The following AUTS2 variants were observed in gnomAD, a reference collection of about 807,000 sequenced individuals.
The protein encoded by AUTS2 is autism susceptibility gene 2 protein.
Under a neutral mutation model 112.4 loss-of-function variants are expected in AUTS2, and 17 were observed. The ratio of observed to expected loss-of-function variants is 0.15; its 90% CI spans 0.10 to 0.23. The LOEUF (loss-of-function observed/expected upper bound fraction) is 0.23, where lower values mean the gene tolerates loss of function less well. AUTS2 is among the 10% of genes least tolerant of loss of function. The probability of loss-of-function intolerance (pLI) is 1.00; values close to 1 mark genes in which losing one functional copy is unlikely to be tolerated. For missense variants in AUTS2, 1,510 were observed against 1,701.6 expected (o/e 0.89, Z 1.98); for synonymous variants, 751 against 702.7 (o/e 1.07, Z -1.09).
chr7:69,682,997 G>A (rs184228585), intron 1 of AUTS2, among the ~76,000 whole-genome samples: 4 of 152,182 alleles, frequency 2.6e-5, no homozygotes, highest in East Asian at 1.9e-4. Context: ...TTTAAGGAGC[G>A]GAAAGTTTAA....
At chr7:70,690,351 G>C (rs191801513) in intron 5 of AUTS2, among the ~76,000 whole-genome samples, 1 of 152,314 alleles carries the variant, frequency 6.6e-6, no homozygotes, top group Non-Finnish European at 1.5e-5. Flanking sequence ...AGGCTAGTTG[G>C]AGTTATCACC....
At chr7:70,144,169 C>T (rs545679442) in intron 4 of AUTS2, among the ~76,000 whole-genome samples, 1 of 152,100 alleles carries the variant, frequency 6.6e-6, no homozygotes, top group Non-Finnish European at 1.5e-5. Context: ...CATTTGTGAG[C>T]AGATCTTATC....
chr7:70,147,988 G>A (rs967040723), intron 4 of AUTS2, among the ~76,000 whole-genome samples: 1 of 152,068 alleles, frequency 6.6e-6, no homozygotes, highest in Admixed American at 6.6e-5. Flanking sequence ...CATCTATGTG[G>A]CTGGATTCTG....
chr7:70,247,812 G>T (rs1412194338), intron 4 of AUTS2, among the ~76,000 whole-genome samples: 3 of 151,998 alleles, frequency 2.0e-5, no homozygotes, highest in African/African-American at 7.2e-5. Context: ...AGGATTTCTT[G>T]CCTTGATCTT....
At chr7:69,697,221 G>C (rs1015024614) in intron 1 of AUTS2, among the ~76,000 whole-genome samples, 6 of 152,206 alleles carry the variant, frequency 3.9e-5, no homozygotes, top group Non-Finnish European at 8.8e-5. Flanking sequence ...CTTACTCTGA[G>C]AATCAGTTTT....
Position 70,399,411 on chromosome 7 carries a change from T to C in AUTS2, c.661-36341T>C, listed in dbSNP as rs371361503. Among the ~76,000 whole-genome samples, 14 of 152,308 alleles carry C rather than the reference T, an allele frequency of 9.2e-5. No homozygotes were observed. In the East Asian group the frequency reaches 1.5e-3, roughly 17 times the overall value. On this transcript the variant is annotated intron_variant, in intron 4 of 18. Coordinates refer to ENST00000342771, the MANE Select transcript of AUTS2 (RefSeq NM_015570.4). ...CTTTTTTTTTGCTTATGGGTTTGCT[T>C]TTTAGAGCTCTGTATCATCTTTCTT...
intron 1 of AUTS2, among the ~76,000 whole-genome samples, chr7:69,760,470 AC>A (rs1050820731): frequency 8.6e-4 from 131 of 152,176 alleles, no homozygotes; most frequent in African/African-American, 3.0e-3. Context: ...TTCTAGAGAG[AC>A]TAAAATTAGG....
intron 2 of AUTS2, among the ~76,000 whole-genome samples, chr7:70,017,985 T>C (rs1035008993): frequency 2.0e-5 from 3 of 151,954 alleles, no homozygotes; most frequent in Admixed American, 1.3e-4. Flanking sequence ...CCTGAGAGCC[T>C]AGAAGGAGGG....
intron 5 of AUTS2, among the ~76,000 whole-genome samples, chr7:70,676,011 G>A (rs969406953): frequency 6.6e-6 from 1 of 152,220 alleles, no homozygotes; most frequent in African/African-American, 2.4e-5. Flanking sequence ...TCATCATGCT[G>A]TAAAGGTTTC....
Position 69,599,653 on chromosome 7 carries a change from C to G in AUTS2, c.-1C>G. The G allele has an allele frequency of 1.5e-6, 2 of 1,300,684 alleles. No homozygotes were observed. Among genetic ancestry groups the G allele is most frequent in the Admixed American group, 4.1e-5 (1 of 24,268 alleles). The allele number at this position is 1,300,684 out of a possible 1,614,324, so 80.6% of individuals were successfully genotyped here. ...CGGGGAGACCCCGGCGCAGCAGAACCATGGATGGCCCGACGCGGGGCCATG... is the reference window on the plus strand; with the variant it reads ...CGGGGAGACCCCGGCGCAGCAGAACGATGGATGGCCCGACGCGGGGCCATG... On this transcript the variant is annotated 5_prime_UTR_variant, in exon 1 of 19. Transcript: ENST00000342771. The surrounding 1 kb of genome is among the most constrained non-coding windows in gnomAD (Gnocchi z 7.0).
chr7:70,480,967 ACATTGT>A (rs1026326274), intron 5 of AUTS2, among the ~76,000 whole-genome samples: 44 of 152,328 alleles, frequency 2.9e-4, no homozygotes, highest in African/African-American at 1.1e-3. Flanking sequence ...TGAGCCGTGC[ACATTGT>A]TCCTGTTGGA....
chr7:70,290,641 T>C (rs1213793710), intron 4 of AUTS2: 1 of 1,388,732 alleles, frequency 7.2e-7, no homozygotes, highest in Non-Finnish European at 9.3e-7. Flanking sequence ...TGTTTTAGTT[T>C]AACCTTCATT....
intron 5 of AUTS2, among the ~76,000 whole-genome samples, chr7:70,641,865 T>C (rs184400351): frequency 6.6e-5 from 10 of 152,370 alleles, no homozygotes; most frequent in Admixed American, 5.9e-4. Flanking sequence ...AATCTGGCCT[T>C]GCTGGTGGTT....
At chr7:70,624,665 C>A (rs1804844462) in intron 5 of AUTS2, among the ~76,000 whole-genome samples, 1 of 152,098 alleles carries the variant, frequency 6.6e-6, no homozygotes, top group Non-Finnish European at 1.5e-5. Flanking sequence ...TAGCACACTG[C>A]TAAACATATG....
intron 1 of AUTS2, among the ~76,000 whole-genome samples, chr7:69,763,313 A>G (rs527961493): frequency 6.6e-6 from 1 of 151,754 alleles, no homozygotes; most frequent in African/African-American, 2.4e-5. Context: ...AGATCTTGGG[A>G]TCTCAGTTTC....
At chr7:70,368,395 T>C (rs2129629529) in intron 4 of AUTS2, among the ~76,000 whole-genome samples, 1 of 152,058 alleles carries the variant, frequency 6.6e-6, no homozygotes, top group Non-Finnish European at 1.5e-5. Flanking sequence ...GGGATTTGAG[T>C]AGAGGTAGAG....
intron 4 of AUTS2, among the ~76,000 whole-genome samples, chr7:70,326,635 C>T (rs1281183532): frequency 2.0e-5 from 3 of 152,130 alleles, no homozygotes; most frequent in Admixed American, 6.5e-5. Context: ...CTTTATGGAT[C>T]GTCTTTCTAA....
intron 1 of AUTS2, among the ~76,000 whole-genome samples, chr7:69,704,666 A>C (rs554533416): frequency 5.1e-4 from 77 of 152,292 alleles, no homozygotes; most frequent in African/African-American, 1.8e-3. Flanking sequence ...AAATATAACC[A>C]GTAGCCACCC....
At chr7:70,600,573 G>C (rs1803427238) in intron 5 of AUTS2, among the ~76,000 whole-genome samples, 1 of 152,138 alleles carries the variant, frequency 6.6e-6, no homozygotes, top group South Asian at 2.1e-4. Context: ...ACCGCGCCCG[G>C]CCCAATTCAG....
Sources: allele counts gnomAD v4.1 joint callset (sites outside exome capture counted in the v4.1 genomes callset), GRCh38; gene constraint gnomAD v4.1.1; non-coding constraint Gnocchi (gnomAD v3.1); transcripts MANE v1.5; gene names NCBI Gene and HGNC (gene_info 2026-07-23, HGNC 2026-07-21).